Variants in WNT2 observed in about 807,000 individuals in gnomAD.
The protein encoded by WNT2 is Wnt family member 2, also known as protein Wnt-2.
A neutral mutation model predicts 36.9 loss-of-function variants in WNT2; 12 were observed. That is an observed-to-expected ratio of 0.33 (90% CI 0.21 to 0.53). The LOEUF (loss-of-function observed/expected upper bound fraction) is 0.53, where lower values mean the gene tolerates loss of function less well. Ranked by LOEUF, WNT2 falls within the 20% of genes least tolerant of loss-of-function variation. The pLI is 0.95. For missense variants in WNT2, 379 were observed against 473.1 expected (o/e 0.80, Z 1.84); for synonymous variants, 163 against 174.6 (o/e 0.93, Z 0.52).
At chr7:117,303,195 AGAG>A (rs1563203371) in intron 3 of WNT2, among the ~76,000 whole-genome samples, 1 of 152,192 alleles carries the variant, frequency 6.6e-6, no homozygotes, top group African/African-American at 2.4e-5. Context: ...CCAGGGATGC[AGAG>A]GAGAAGGTGA....
chr7:117,290,610 TC>T (rs1794671340), intron 4 of WNT2, among the ~76,000 whole-genome samples: 1 of 152,238 alleles, frequency 6.6e-6, no homozygotes, highest in African/African-American at 2.4e-5. Flanking sequence ...AATAACTTAT[TC>T]TTTACCTTGT....
intron 4 of WNT2, among the ~76,000 whole-genome samples, chr7:117,297,304 T>A (rs576461691): frequency 6.6e-6 from 1 of 152,116 alleles, no homozygotes; most frequent in Non-Finnish European, 1.5e-5. Flanking sequence ...CTCAGCCTCC[T>A]GAGTAGCTGG....
At chr7:117,300,521 G>A (rs1794884396) in intron 3 of WNT2, among the ~76,000 whole-genome samples, 1 of 152,108 alleles carries the variant, frequency 6.6e-6, no homozygotes. Flanking sequence ...ACGTGAGGTG[G>A]GGGCACGGTG....
chr7:117,304,432 A>ATTT (rs3034483), intron 3 of WNT2, among the ~76,000 whole-genome samples: 2 of 116,918 alleles, frequency 1.7e-5, no homozygotes, highest in African/African-American at 6.5e-5. Context: ...TCTCCTCCAC[A>ATTT]TTTTTTTTTT....
chr7:117,297,250 T>C (rs926653126), intron 4 of WNT2, among the ~76,000 whole-genome samples: 5 of 152,194 alleles, frequency 3.3e-5, no homozygotes, highest in Non-Finnish European at 7.3e-5. Flanking sequence ...TCTTTATTCT[T>C]TTTTTGAGAT....
At chr7:117,300,045 A>G (rs1184700081) in intron 3 of WNT2, among the ~76,000 whole-genome samples, 1 of 152,168 alleles carries the variant, frequency 6.6e-6, no homozygotes, top group African/African-American at 2.4e-5. Context: ...AGTAGTCTAA[A>G]TCGCTAATAG....
intron 4 of WNT2, among the ~76,000 whole-genome samples, chr7:117,294,521 A>T (rs1794749881): frequency 6.6e-6 from 1 of 151,954 alleles, no homozygotes; most frequent in African/African-American, 2.4e-5. Flanking sequence ...TTAACTAAGT[A>T]CAGTTCAAAT....
Position 117,322,663 on chromosome 7 carries a change from A to C in WNT2, c.83+244T>G, listed in dbSNP as rs1584700726. Among the ~76,000 whole-genome samples the C allele has an allele frequency of 6.6e-6, 1 of 152,088 alleles. No individual in the cohort carries two copies. Among genetic ancestry groups the C allele is most frequent in the African/African-American group, 2.4e-5 (1 of 41,410 alleles). On this transcript the variant is annotated intron_variant, in intron 1 of 4. Transcript: ENST00000265441. This position sits in a 1 kb window ranked among gnomAD's most constrained non-coding sequence, Gnocchi z 5.4. The stretch of plus-strand genomic sequence containing the variant: ...GCTGTCGCTCAGCTGGATCCAAATA[A>C]ACCAAACATCGGAGCTCTCATTTGA...
chr7:117,275,815 C>A lies in WNT2; in HGVS notation c.*2340G>T, dbSNP rs1404244419. On this transcript the variant is annotated 3_prime_UTR_variant, in exon 5 of 5. Transcript: ENST00000265441. ...TATTTTTCCCACCTCAGTGGCAGGACCCACTGCCACTTGCGATGGTTGCCA... is the reference window on the plus strand; with the variant it reads ...TATTTTTCCCACCTCAGTGGCAGGAACCACTGCCACTTGCGATGGTTGCCA... 2.0e-5 allele frequency among the ~76,000 whole-genome samples: 3 copies of A among 152,172 alleles called. No individual in the cohort carries two copies. Among genetic ancestry groups the A allele is most frequent in the Non-Finnish European group, 4.4e-5 (3 of 68,032 alleles).
intron 4 of WNT2, among the ~76,000 whole-genome samples, chr7:117,286,616 C>A (rs1312771030): frequency 1.3e-5 from 2 of 152,158 alleles, no homozygotes; most frequent in Non-Finnish European, 2.9e-5. Flanking sequence ...TAGGCTGTTT[C>A]TCCTCTGGTT....
chr7:117,299,455 A>T (rs1392390357), intron 3 of WNT2, among the ~76,000 whole-genome samples: 2 of 151,876 alleles, frequency 1.3e-5, no homozygotes, highest in African/African-American at 4.8e-5. Context: ...TTTAAAAATG[A>T]CAGGAAATAT....
At chr7:117,289,129 G>A (rs774628863) in intron 4 of WNT2, among the ~76,000 whole-genome samples, 4 of 137,084 alleles carry the variant, frequency 2.9e-5, no homozygotes, top group Non-Finnish European at 6.0e-5. Context: ...GCACAATCTC[G>A]GCTCACTGCA....
At chr7:117,279,140 T>C (rs1794436283) in intron 4 of WNT2, among the ~76,000 whole-genome samples, 1 of 152,270 alleles carries the variant, frequency 6.6e-6, no homozygotes, top group Non-Finnish European at 1.5e-5. Flanking sequence ...ATCAGGGTGA[T>C]GTTTGCTAAA....
chr7:117,280,697 A>G (rs1794466432), intron 4 of WNT2, among the ~76,000 whole-genome samples: 1 of 152,240 alleles, frequency 6.6e-6, no homozygotes, highest in Non-Finnish European at 1.5e-5. Context: ...AAACTTGTTA[A>G]GCTTCAGTTT....
rs774296887 is a variant in WNT2, at chr7:117,310,582, C to CAAAAAAA, written c.588+4482_588+4488dup. Among the ~76,000 whole-genome samples the CAAAAAAA allele has an allele frequency of 3.6e-5, 2 of 55,044 alleles. 1 individual carries two copies. Among genetic ancestry groups the CAAAAAAA allele is most frequent in the Non-Finnish European group, 6.8e-5 (2 of 29,334 alleles). The allele number at this position is 55,044 out of a possible 152,430, so 36.1% of individuals were successfully genotyped here. ...TGGGTAACAAAGCGAGACCCTGTCT[C>CAAAAAAA]AAAAAAAAAAAAAAAAAAAAAAAAG... is the stretch of plus-strand genomic sequence containing the variant. On this transcript the variant is annotated intron_variant, in intron 3 of 4. Coordinates refer to ENST00000265441, the MANE Select transcript of WNT2 (RefSeq NM_003391.3).
At chr7:117,289,885 A>T (rs1286072169) in intron 4 of WNT2, among the ~76,000 whole-genome samples, 1 of 152,168 alleles carries the variant, frequency 6.6e-6, no homozygotes, top group Non-Finnish European at 1.5e-5. Flanking sequence ...TCCTTGACAC[A>T]TTTAAGAGGT....
chr7:117,304,770 G>T (rs886553073), intron 3 of WNT2, among the ~76,000 whole-genome samples: 3 of 152,052 alleles, frequency 2.0e-5, no homozygotes, highest in African/African-American at 7.3e-5. Context: ...CTAATTAGCC[G>T]GTTGCCAAAT....
At chr7:117,286,143 A>G (rs1794574694) in intron 4 of WNT2, among the ~76,000 whole-genome samples, 3 of 152,184 alleles carry the variant, frequency 2.0e-5, no homozygotes, top group African/African-American at 7.2e-5. Context: ...AGGACAAAGA[A>G]TTGGAGTTTC....
chr7:117,278,067 C>T lies in WNT2; in HGVS notation c.*88G>A. 1 of 1,444,222 alleles carries T rather than the reference C, an allele frequency of 6.9e-7. No individual in the cohort carries two copies. The highest frequency in any genetic ancestry group is 1.4e-5 in the African/African-American group (1 of 71,482). The allele number at this position is 1,444,222 out of a possible 1,614,324, so 89.5% of individuals were successfully genotyped here. A position where few individuals can be genotyped will look rare whatever the true frequency, so the allele number is the denominator to read the frequency against. On this transcript the variant is annotated 3_prime_UTR_variant, in exon 5 of 5. Coordinates refer to ENST00000265441, the MANE Select transcript of WNT2 (RefSeq NM_003391.3). ...AAGGCCACATGCCTTAGGAAATATCCCCCCAGAAAGAACCCAAAGGTCCAG... is the reference window on the plus strand; with the variant it reads ...AAGGCCACATGCCTTAGGAAATATCTCCCCAGAAAGAACCCAAAGGTCCAG...
Sources: allele counts gnomAD v4.1 joint callset (sites outside exome capture counted in the v4.1 genomes callset), GRCh38; gene constraint gnomAD v4.1.1; non-coding constraint Gnocchi (gnomAD v3.1); transcripts MANE v1.5; gene names NCBI Gene and HGNC (gene_info 2026-07-23, HGNC 2026-07-21).